The following PTPRD variants were observed in gnomAD, a reference collection of about 807,000 sequenced individuals.
PTPRD encodes protein tyrosine phosphatase receptor type D, also known as receptor-type tyrosine-protein phosphatase delta.
A neutral mutation model predicts 214.5 loss-of-function variants in PTPRD; 34 were observed. That is an observed-to-expected ratio of 0.16 (90% CI 0.12 to 0.21). The LOEUF (loss-of-function observed/expected upper bound fraction) is 0.21, where lower values mean the gene tolerates loss of function less well. Ranked by LOEUF, PTPRD falls within the 10% of genes least tolerant of loss-of-function variation. The probability of loss-of-function intolerance (pLI) is 1.00; values close to 1 mark genes in which losing one functional copy is unlikely to be tolerated. For synonymous variants in PTPRD, 1,128 were observed against 845.7 expected (o/e 1.33, Z -5.79); for missense variants, 2,545 against 2,398.7 (o/e 1.06, Z -1.27).
chr9:8,496,897 G>A (rs1048960396), intron 26 of PTPRD, among the ~76,000 whole-genome samples: 43 of 152,160 alleles, frequency 2.8e-4, no homozygotes, highest in African/African-American at 1.0e-3. Context: ...TGTGGTCCAA[G>A]ACCATTCTTC....
chr9:9,444,257 GTTT>G (rs1350308062), intron 8 of PTPRD, among the ~76,000 whole-genome samples: 4 of 151,954 alleles, frequency 2.6e-5, no homozygotes, highest in Non-Finnish European at 5.9e-5. Flanking sequence ...TTGACTTCTA[GTTT>G]TTTATTTTAA....
chr9:8,925,362 G>C (rs1226527146), intron 11 of PTPRD, among the ~76,000 whole-genome samples: 1 of 151,956 alleles, frequency 6.6e-6, no homozygotes, highest in African/African-American at 2.4e-5. Context: ...CCACTATATA[G>C]TCTCCCAGGT....
In PTPRD at chr9:9,466,393, A is replaced by G. The variant is rs187148912; in HGVS notation, c.-236-68911T>C. On this transcript the variant is annotated intron_variant, in intron 8 of 45. Coordinates refer to ENST00000381196, the MANE Select transcript of PTPRD (RefSeq NM_002839.4). ...CTAGATGAAGTTGCTATTATGAATC[A>G]TATACTATACAATTCAAAAATATTC... Among the ~76,000 whole-genome samples the G allele has an allele frequency of 2.5e-3, 385 of 152,346 alleles. 1 individual carries two copies. The highest frequency in any genetic ancestry group is 8.7e-3 in the African/African-American group (361 of 41,588).
At chr9:8,820,555 T>C (rs1344827704) in intron 11 of PTPRD, among the ~76,000 whole-genome samples, 1 of 152,242 alleles carries the variant, frequency 6.6e-6, no homozygotes, top group East Asian at 1.9e-4. Context: ...CCTTTAATCC[T>C]ATCAAGGTTA....
chr9:10,380,569 T>C (rs995119962), intron 2 of PTPRD, among the ~76,000 whole-genome samples: 3 of 152,036 alleles, frequency 2.0e-5, no homozygotes, highest in East Asian at 1.9e-4. Context: ...AAAAGTGCCA[T>C]CATGTGTCCC....
chr9:10,363,996 T>TTTATTGC (rs1555222209), intron 2 of PTPRD, among the ~76,000 whole-genome samples: 1 of 98,632 alleles, frequency 1.0e-5, no homozygotes, highest in Non-Finnish European at 2.0e-5. Context: ...TTCGGGTTTT[T>TTTATTGC]TTTTTTTTTT....
chr9:9,862,729 C>CG (rs34018802), intron 5 of PTPRD, among the ~76,000 whole-genome samples: 197 of 18,748 alleles, frequency 0.011, no homozygotes, highest in South Asian at 0.037. Flanking sequence ...TGGTGGGGGG[C>CG]GGGGGGGGGA....
chr9:10,103,234 G>A (rs962543227), intron 3 of PTPRD, among the ~76,000 whole-genome samples: 1 of 151,008 alleles, frequency 6.6e-6, no homozygotes, highest in African/African-American at 2.4e-5. Context: ...TATATAGCTT[G>A]TCCTTTTTAA....
chr9:8,919,816 ATG>A (rs2098812961), intron 11 of PTPRD, among the ~76,000 whole-genome samples: 1 of 129,736 alleles, frequency 7.7e-6, no homozygotes, highest in South Asian at 2.5e-4. Context: ...GTGCACATAC[ATG>A]CACCCATACA....
intron 21 of PTPRD, among the ~76,000 whole-genome samples, chr9:8,508,674 T>G (rs571087153): frequency 5.3e-5 from 8 of 152,276 alleles, no homozygotes; most frequent in African/African-American, 1.9e-4. Context: ...AGCAAAAATA[T>G]TTAAAAATAC....
chr9:9,371,978 C>T (rs534585777), intron 9 of PTPRD, among the ~76,000 whole-genome samples: 17 of 152,190 alleles, frequency 1.1e-4, no homozygotes, highest in African/African-American at 3.6e-4. Context: ...GTCTGAGAGA[C>T]AGTTTGTTAT....
intron 9 of PTPRD, among the ~76,000 whole-genome samples, chr9:9,210,342 A>G (rs1267012828): frequency 1.3e-5 from 2 of 152,218 alleles, no homozygotes. Context: ...TATGTATAAT[A>G]ATATTAAGAA....
chr9:9,372,342 G>T (rs2059743975), intron 9 of PTPRD, among the ~76,000 whole-genome samples: 1 of 152,262 alleles, frequency 6.6e-6, no homozygotes, highest in East Asian at 1.9e-4. Flanking sequence ...TCTTCTTGTT[G>T]AATTGATCCC....
chr9:9,508,755 T>C (rs2096629290), intron 8 of PTPRD, among the ~76,000 whole-genome samples: 1 of 151,616 alleles, frequency 6.6e-6, no homozygotes, highest in Admixed American at 6.6e-5. Context: ...CTTCAGCAAC[T>C]TTCCCTGCTC....
chr9:10,141,978 C>A (rs2098988644), intron 3 of PTPRD, among the ~76,000 whole-genome samples: 2 of 152,124 alleles, frequency 1.3e-5, no homozygotes, highest in Admixed American at 6.5e-5. Flanking sequence ...CGCATATCTA[C>A]AACTATCTGA....
intron 3 of PTPRD, among the ~76,000 whole-genome samples, chr9:10,143,715 C>G (rs1027988605): frequency 1.3e-5 from 2 of 152,074 alleles, no homozygotes; most frequent in Admixed American, 6.6e-5. Context: ...CCATGGGACA[C>G]TATGCAGCCA....
At chr9:9,200,539 A>C (rs892942949) in intron 9 of PTPRD, among the ~76,000 whole-genome samples, 14 of 152,228 alleles carry the variant, frequency 9.2e-5, no homozygotes, top group African/African-American at 3.4e-4. Flanking sequence ...CACTTTATAG[A>C]TTAAGGACCC....
At chr9:8,358,399 G>A (rs1224557027) in intron 39 of PTPRD, among the ~76,000 whole-genome samples, 1 of 152,080 alleles carries the variant, frequency 6.6e-6, no homozygotes, top group African/African-American at 2.4e-5. Context: ...AGAGCAAATG[G>A]TCTTTGATGT....
chr9:8,581,514 C>T (rs1474767477), intron 14 of PTPRD, among the ~76,000 whole-genome samples: 2 of 146,764 alleles, frequency 1.4e-5, no homozygotes, highest in African/African-American at 2.5e-5. Context: ...TTTGGGAGGC[C>T]GAGGTGGGCG....
Sources: allele counts gnomAD v4.1 joint callset (sites outside exome capture counted in the v4.1 genomes callset), GRCh38; gene constraint gnomAD v4.1.1; transcripts MANE v1.5; gene names NCBI Gene and HGNC (gene_info 2026-07-23, HGNC 2026-07-21).